The following GNB3 variants were observed in gnomAD, a reference collection of about 807,000 sequenced individuals.
GNB3 encodes the protein guanine nucleotide-binding protein G(I)/G(S)/G(T) subunit beta-3.
Under a neutral mutation model 41.2 loss-of-function variants are expected in GNB3, and 33 were observed. The ratio of observed to expected loss-of-function variants is 0.80; its 90% CI spans 0.61 to 1.07. The LOEUF is 1.07. Ranked by LOEUF, GNB3 falls within the 50% of genes least tolerant of loss-of-function variation. The probability of loss-of-function intolerance (pLI) is 0.00; values close to 1 mark genes in which losing one functional copy is unlikely to be tolerated. For synonymous variants in GNB3, 172 were observed against 173.4 expected (o/e 0.99, Z 0.06); for missense variants, 409 against 455.3 (o/e 0.90, Z 0.92).
rs896233194 is a variant in GNB3, at chr12:6,844,095, T to C, written c.699+117T>C. 1,541 of 246,318 alleles carry C rather than the reference T, an allele frequency of 6.3e-3. 80 individuals are homozygous for C. The highest frequency in any genetic ancestry group is 0.011 in the South Asian group (125 of 10,928). 15.3% of individuals were successfully genotyped at this position (246,318 alleles called of 1,614,324 possible). ...CTTCCCTAGCCCTTTCTTACTGTATTTTTTTTTTTTTTTTTTTTTTTTTTG... is the reference window on the plus strand; with the variant it reads ...CTTCCCTAGCCCTTTCTTACTGTATCTTTTTTTTTTTTTTTTTTTTTTTTG... On this transcript the variant is annotated intron_variant, in intron 8 of 9. Coordinates refer to ENST00000229264, the MANE Select transcript of GNB3 (RefSeq NM_002075.4).
Position 6,846,542 on chromosome 12 carries a change from C to T in GNB3, c.917-250C>T, listed in dbSNP as rs528792602. 540 of 387,388 alleles carry T rather than the reference C, an allele frequency of 1.4e-3. 1 individual carries two copies. Among genetic ancestry groups the T allele is most frequent in the Middle Eastern group, 0.012 (17 of 1,472 alleles). 24.0% of individuals were successfully genotyped at this position (387,388 alleles called of 1,614,324 possible). A position where few individuals can be genotyped will look rare whatever the true frequency, so the allele number is the denominator to read the frequency against. On this transcript the variant is annotated intron_variant, in intron 9 of 9. Coordinates refer to ENST00000229264, the MANE Select transcript of GNB3 (RefSeq NM_002075.4). ...CCCTGCCCTACAGCTAATCCTCTTT[C>T]AGTCTCTTAGCCTTCTTCAGGGGTT... is the stretch of plus-strand genomic sequence containing the variant.
chr12:6,843,500 C>G lies in GNB3; in HGVS notation c.405C>G (p.Val135=), dbSNP rs201117275. 2.5e-5 allele frequency: 40 copies of G among 1,614,208 alleles called. No individual in the cohort carries two copies. The highest frequency in any genetic ancestry group is 6.8e-6 in the Non-Finnish European group (8 of 1,180,018). Residue 135 remains valine, a synonymous_variant, in exon 6 of 10, where the codon GTC becomes GTG. Transcript: ENST00000229264. The surrounding 1 kb of genome is among the most constrained non-coding windows in gnomAD (Gnocchi z 5.9). ...NLKSREGNVK[V]SRELSAHTGY... ...AATCCCGTGAGGGCAATGTCAAGGTCAGCCGGGAGCTTTCTGCTCACACAG... is the reference window on the plus strand; with the variant it reads ...AATCCCGTGAGGGCAATGTCAAGGTGAGCCGGGAGCTTTCTGCTCACACAG...
At chr12:6,841,857 C>T (rs1943582150) in intron 3 of GNB3, 10 of 689,640 alleles carry the variant, frequency 1.5e-5, no homozygotes, top group South Asian at 1.4e-4. Flanking sequence ...CAAGAGTGAC[C>T]ACAGCCCCCT....
rs1432718669 is a variant in GNB3 at position 6,844,091 on chromosome 12, G to GTCTTTTTT, written c.699+114_699+115insCTTTTTTT. 189 of 258,838 alleles carry GTCTTTTTT rather than the reference G, an allele frequency of 7.3e-4. 49 individuals are homozygous for GTCTTTTTT. The East Asian group carries it at 0.013, about 17-fold the overall frequency. The allele number at this position is 258,838 out of a possible 1,614,324, so 16.0% of individuals were successfully genotyped here. A position where few individuals can be genotyped will look rare whatever the true frequency, so the allele number is the denominator to read the frequency against. On this transcript the variant is annotated intron_variant, in intron 8 of 9. Coordinates refer to ENST00000229264, the MANE Select transcript of GNB3 (RefSeq NM_002075.4). The stretch of plus-strand genomic sequence containing the variant: ...ATAGCTTCCCTAGCCCTTTCTTACT[G>GTCTTTTTT]TATTTTTTTTTTTTTTTTTTTTTTT...
At chr12:6,841,656 A>G (rs1460883874) in intron 3 of GNB3, 32 bp downstream of exon 3, 4 of 1,575,762 alleles carry the variant, frequency 2.5e-6, no homozygotes, top group East Asian at 4.5e-5. Context: ...AAGGCAGGGC[A>G]TGGGGGGAGG....
At chr12:6,841,645 GA>G in intron 3 of GNB3, 21 bp downstream of exon 3, 2 of 1,600,374 alleles carry the variant, frequency 1.2e-6, no homozygotes, top group Non-Finnish European at 1.7e-6. Context: ...CTGTCCCCCG[GA>G]AGGCAGGGCA....
In GNB3 at chr12:6,841,299, G is replaced by A. The variant is rs1555123304; in HGVS notation, c.12G>A (p.Met4Ile). 1 of 1,613,450 alleles carries A rather than the reference G, an allele frequency of 6.2e-7. No individual in the cohort carries two copies. The highest frequency in any genetic ancestry group is 1.1e-5 in the South Asian group (1 of 90,870). MGE[M>I]EQLRQEAEQL... ...TCGACCTGTCAGCCATGGGGGAGAT[G>A]GAGCAACTGCGTCAGGAAGCGGAGC... Residue 4 changes from methionine (M) to isoleucine (I), a missense_variant, in exon 2 of 10, where the codon ATG (methionine) becomes ATA (isoleucine). Physicochemically the swap from Met to Ile is conservative, Grantham distance 10 (BLOSUM62 1). Coordinates refer to ENST00000229264, the MANE Select transcript of GNB3 (RefSeq NM_002075.4).
In GNB3 at chr12:6,841,366, T is replaced by G. The variant is rs1555123336; in HGVS notation, c.57+22T>G. On this transcript the variant is annotated intron_variant, in intron 2 of 9. Transcript: ENST00000229264. Reference sequence around the variant, plus strand: ...TGCAGTAACTCCAGAGCCCTACCCCTGGGGCCCCAGAAAACAGCTGGGGAC... The same window carrying G: ...TGCAGTAACTCCAGAGCCCTACCCCGGGGGCCCCAGAAAACAGCTGGGGAC... 3.1e-6 allele frequency: 5 copies of G among 1,608,138 alleles called. No homozygotes were observed. The Admixed American group carries it at 8.4e-5, about 27-fold the overall frequency.
rs782154852 is a variant in GNB3 at position 6,842,998 on chromosome 12, G to A, written c.125G>A (p.Arg42Gln). 9.7e-6 allele frequency: 15 copies of A among 1,553,220 alleles called. No individual in the cohort carries two copies. The highest frequency in any genetic ancestry group is 8.6e-5 in the South Asian group (7 of 81,688). ...ELVSGLEVVG[R>Q]VQMRTRRTLR... Reference sequence around the variant, plus strand: ...GTGTCTGGCCTAGAGGTGGTGGGACGAGTCCAGATGCGGACGCGGCGGACG... The same window carrying A: ...GTGTCTGGCCTAGAGGTGGTGGGACAAGTCCAGATGCGGACGCGGCGGACG... Residue 42 changes from arginine to glutamine, a missense_variant, in exon 4 of 10, where the codon CGA becomes CAA. Coordinates refer to ENST00000229264, the MANE Select transcript of GNB3 (RefSeq NM_002075.4).
chr12:6,843,853 G>A lies in GNB3; in HGVS notation c.574G>A (p.Val192Met). Reference sequence around the variant, plus strand: ...CACGGGTGACTGCATGAGCCTGGCTGTGTCTCCTGACTTCAATCTCTTCAT... The same window carrying A: ...CACGGGTGACTGCATGAGCCTGGCTATGTCTCCTGACTTCAATCTCTTCAT... ...GHTGDCMSLA[V>M]SPDFNLFISG... The change falls in exon 8 of 10, where the codon GTG becomes ATG. Residue 192 changes from valine to methionine, a missense_variant. Coordinates refer to ENST00000229264, the MANE Select transcript of GNB3 (RefSeq NM_002075.4). The surrounding 1 kb of genome is among the most constrained non-coding windows in gnomAD (Gnocchi z 5.9). The A allele has an allele frequency of 6.2e-7, 1 of 1,614,040 alleles. No individual in the cohort carries two copies. Among genetic ancestry groups the A allele is most frequent in the Non-Finnish European group, 8.5e-7 (1 of 1,179,926 alleles).
intron 8 of GNB3, 77 bp downstream of exon 8, chr12:6,844,055 C>A: frequency 1.1e-6 from 1 of 892,064 alleles, no homozygotes; most frequent in South Asian, 1.6e-5. Flanking sequence ...TACACATCCT[C>A]TGCCCCTCCC....
chr12:6,845,551 C>A, intron 8 of GNB3, 35 bp from the exon 9 acceptor site: 3 of 1,494,146 alleles, frequency 2.0e-6, no homozygotes, highest in South Asian at 2.3e-5. Flanking sequence ...CTGCCCAGGT[C>A]TGATCCCTGA....
In GNB3 at chr12:6,841,605, C is replaced by T; in HGVS notation, c.77C>T (p.Ala26Val). 1 of 1,613,544 alleles carries T rather than the reference C, an allele frequency of 6.2e-7. No individual in the cohort carries two copies. Residue 26 changes from alanine to valine, a missense_variant, in exon 3 of 10, where the codon GCT becomes GTT. Transcript: ENST00000229264. ...KQIADARKAC[A>V]DVTLAELVSG... is the part of the protein sequence containing the mutation. Reference sequence around the variant, plus strand: ...CTGCAGGATGCCAGGAAAGCCTGTGCTGACGTTACTCTGGCAGAGGTAAGA... The same window carrying T: ...CTGCAGGATGCCAGGAAAGCCTGTGTTGACGTTACTCTGGCAGAGGTAAGA...
At chr12:6,841,381 C>G (rs1457014604) in intron 2 of GNB3, 37 bp downstream of exon 2, 52 of 1,574,828 alleles carry the variant, frequency 3.3e-5, no homozygotes, top group Non-Finnish European at 4.5e-5. Context: ...CCCCAGAAAA[C>G]AGCTGGGGAC....
At chr12:6,841,994 A>G (rs893754347) in intron 3 of GNB3, 1 of 379,888 alleles carries the variant, frequency 2.6e-6, no homozygotes, top group African/African-American at 2.1e-5. Context: ...ACATTTTGAC[A>G]TCTCTGAAAT....
At position 6,843,783 on chromosome 12, in the gene GNB3, G is replaced by A. The variant is rs138319468; in HGVS notation, c.504G>A (p.Leu168=). ...TCTCCCTCCATTTTGGCAGTGCCTT[G>A]TGGGACATTGAGACTGGGCAGCAGA... is the stretch of plus-strand genomic sequence containing the variant. ...VTSSGDTTCA[L]WDIETGQQKT... The change falls in exon 8 of 10, where the codon TTG becomes TTA. Residue 168 remains leucine, a synonymous_variant. Coordinates refer to ENST00000229264, the MANE Select transcript of GNB3 (RefSeq NM_002075.4). The surrounding 1 kb of genome is among the most constrained non-coding windows in gnomAD (Gnocchi z 5.9). 17 of 1,614,052 alleles carry A rather than the reference G, an allele frequency of 1.1e-5. 1 individual carries two copies. The African/African-American group carries it at 1.7e-4, about 16-fold the overall frequency.
chr12:6,843,475 A>C lies in GNB3; in HGVS notation c.380A>C (p.Lys127Thr). The C allele has an allele frequency of 6.2e-7, 1 of 1,614,068 alleles. No homozygotes were observed. The highest frequency in any genetic ancestry group is 8.5e-7 in the Non-Finnish European group (1 of 1,179,952). Residue 127 changes from lysine (K) to threonine (T), a missense_variant, in exon 6 of 10, where the codon AAA becomes ACA. By Grantham distance (78) the Lys-to-Thr change is moderately conservative. Coordinates refer to ENST00000229264, the MANE Select transcript of GNB3 (RefSeq NM_002075.4). This position sits in a 1 kb window ranked among gnomAD's most constrained non-coding sequence, Gnocchi z 5.9. ...LDNMCSIYNL[K>T]SREGNVKVSR... ...AACATGTGTTCCATCTACAACCTCA[A>C]ATCCCGTGAGGGCAATGTCAAGGTC...
chr12:6,843,618 C>G lies in GNB3; in HGVS notation c.431-14C>G, dbSNP rs782717038. 2 of 1,614,114 alleles carry G rather than the reference C, an allele frequency of 1.2e-6. No individual in the cohort carries two copies. Among genetic ancestry groups the G allele is most frequent in the South Asian group, 2.2e-5 (2 of 91,088 alleles). On this transcript the variant is annotated splice_polypyrimidine_tract_variant and intron_variant, in intron 6 of 9. Coordinates refer to ENST00000229264, the MANE Select transcript of GNB3 (RefSeq NM_002075.4). This position sits in a 1 kb window ranked among gnomAD's most constrained non-coding sequence, Gnocchi z 5.9. The stretch of plus-strand genomic sequence containing the variant: ...GCTCTGCAGCCAGGGCACTGTCCTT[C>G]TAACCGCCTCCAGGTTATCTCTCCT...
rs781852575 is a variant in GNB3, at chr12:6,843,631, G to A, written c.431-1G>A. 4 of 1,614,188 alleles carry A rather than the reference G, an allele frequency of 2.5e-6. No homozygotes were observed. Among genetic ancestry groups the A allele is most frequent in the Non-Finnish European group, 2.5e-6 (3 of 1,180,012 alleles). On this transcript the variant is annotated splice_acceptor_variant, in intron 6 of 9. Coordinates refer to ENST00000229264, the MANE Select transcript of GNB3 (RefSeq NM_002075.4). LOFTEE classifies it high-confidence loss of function. This position sits in a 1 kb window ranked among gnomAD's most constrained non-coding sequence, Gnocchi z 5.9. Reference sequence around the variant, plus strand: ...GGCACTGTCCTTCTAACCGCCTCCAGGTTATCTCTCCTGCTGCCGCTTCCT... The same window carrying A: ...GGCACTGTCCTTCTAACCGCCTCCAAGTTATCTCTCCTGCTGCCGCTTCCT...
Sources: allele counts gnomAD v4.1 joint callset, GRCh38; gene constraint gnomAD v4.1.1; non-coding constraint Gnocchi (gnomAD v3.1); transcripts MANE v1.5; gene names NCBI Gene and HGNC (gene_info 2026-07-23, HGNC 2026-07-21).